The following TMEM217 variants were observed in gnomAD, a reference collection of about 807,000 sequenced individuals.
The protein encoded by TMEM217 is transmembrane protein 217, also known as chromosome 6 open reading frame 128.
For synonymous variants in TMEM217, 76 were observed against 88.3 expected (o/e 0.86, Z 0.78); for missense variants, 204 against 248.8 (o/e 0.82, Z 1.21).
At chr6:37,241,290 C>T (rs1185106665) in intron 1 of TMEM217, among the ~76,000 whole-genome samples, 1 of 151,396 alleles carries the variant, frequency 6.6e-6, no homozygotes, top group East Asian at 1.9e-4. Context: ...GTTGCCCAGG[C>T]TAAAGGTGTT....
At chr6:37,228,672 C>T (rs1330618849) in intron 1 of TMEM217, among the ~76,000 whole-genome samples, 1 of 152,010 alleles carries the variant, frequency 6.6e-6, no homozygotes, top group African/African-American at 2.4e-5. Flanking sequence ...CCACTGCACT[C>T]CAGCTTGGGC....
chr6:37,217,582 C>G (rs1426468030), downstream of TMEM217: 14 of 962,756 alleles, frequency 1.5e-5, no homozygotes, highest in Non-Finnish European at 1.7e-5. Context: ...AAGGAAGTGC[C>G]TTTCACACTC....
chr6:37,220,952 A>G (rs1197108041), intron 1 of TMEM217, among the ~76,000 whole-genome samples: 1 of 152,068 alleles, frequency 6.6e-6, no homozygotes, highest in Non-Finnish European at 1.5e-5. Context: ...TATATATAAT[A>G]TATATACAAG....
At chr6:37,216,888 T>TTAGAAGCAAAGAGAGCAGGCCCTTACCAG (rs2113805481), downstream of TMEM217, among the ~76,000 whole-genome samples, 1 of 152,288 alleles carries the variant, frequency 6.6e-6, no homozygotes, top group Admixed American at 6.5e-5. Context: ...TTGCACCATC[T>TTAGAAGCAAAGAGAGCAGGCCCTTACCAG]TAGAAGCAAA....
exon 4 of TMEM217, chr6:37,212,528 A>T: frequency 2.2e-6 from 1 of 457,942 alleles, no homozygotes; most frequent in Non-Finnish European, 4.4e-6. Flanking sequence ...GATTCCTTGT[A>T]AAGGTTGTAT....
At chr6:37,245,630 G>A (rs979182478) in intron 1 of TMEM217, among the ~76,000 whole-genome samples, 1 of 152,126 alleles carries the variant, frequency 6.6e-6, no homozygotes, top group Non-Finnish European at 1.5e-5. Context: ...GTGGGAAAGG[G>A]ATTTATATCA....
At chr6:37,221,777 G>A (rs1763536952) in intron 1 of TMEM217, among the ~76,000 whole-genome samples, 1 of 152,096 alleles carries the variant, frequency 6.6e-6, no homozygotes, top group Non-Finnish European at 1.5e-5. Context: ...ACAAGTGAAG[G>A]GTAAACAAGA....
downstream of TMEM217, chr6:37,212,679 C>T (rs1255058518): frequency 1.5e-5 from 9 of 599,804 alleles, 1 homozygote; most frequent in South Asian, 1.1e-4. Flanking sequence ...AGTTGATGAG[C>T]TCGTAAGTGA....
At chr6:37,248,521 C>A (rs902487517) in intron 1 of TMEM217, among the ~76,000 whole-genome samples, 1 of 152,174 alleles carries the variant, frequency 6.6e-6, no homozygotes, top group Non-Finnish European at 1.5e-5. Context: ...AGTTACTTCT[C>A]TTACATTAAA....
chr6:37,219,873 T>G (rs981570184), intron 1 of TMEM217, among the ~76,000 whole-genome samples: 7 of 152,146 alleles, frequency 4.6e-5, no homozygotes, highest in African/African-American at 7.2e-5. Context: ...AAGAACCCTG[T>G]TGGGTGGAGA....
At chr6:37,226,546 C>T (rs1200095029) in intron 1 of TMEM217, among the ~76,000 whole-genome samples, 3 of 151,698 alleles carry the variant, frequency 2.0e-5, no homozygotes, top group Admixed American at 6.6e-5. Context: ...ATCCGCCCGC[C>T]TCGGCCACCC....
intron 1 of TMEM217, among the ~76,000 whole-genome samples, chr6:37,251,755 T>C (rs1031504492): frequency 8.5e-5 from 13 of 152,218 alleles, no homozygotes; most frequent in Non-Finnish European, 1.5e-4. Context: ...ACTTTAATTA[T>C]ATTTTAAGAT....
At chr6:37,218,097 C>T (rs1389762055) in exon 2 of TMEM217, 1 of 1,027,266 alleles carries the variant, frequency 9.7e-7, no homozygotes, top group South Asian at 4.2e-5. Context: ...CCCTGGGAAT[C>T]TGAGAGACCT....
At chr6:37,239,009 A>G (rs1764630429) in intron 1 of TMEM217, among the ~76,000 whole-genome samples, 1 of 152,168 alleles carries the variant, frequency 6.6e-6, no homozygotes, top group Admixed American at 6.5e-5. Flanking sequence ...ACATGCCTGT[A>G]ATCCCAGCTA....
At chr6:37,223,675 A>T (rs1562005678) in intron 1 of TMEM217, among the ~76,000 whole-genome samples, 1 of 151,660 alleles carries the variant, frequency 6.6e-6, no homozygotes, top group African/African-American at 2.4e-5. Flanking sequence ...TGCCCAGCTA[A>T]TTTTTGCATT....
chr6:37,257,505 A>C (rs992693578), intron 1 of TMEM217, 63 bp downstream of exon 1: 1 of 196,486 alleles, frequency 5.1e-6, no homozygotes, highest in African/African-American at 2.4e-5. Flanking sequence ...TATTAGACTA[A>C]GGAACTTCAT....
At chr6:37,223,725 T>G (rs574753417) in intron 1 of TMEM217, among the ~76,000 whole-genome samples, 1 of 152,240 alleles carries the variant, frequency 6.6e-6, no homozygotes, top group East Asian at 1.9e-4. Flanking sequence ...GTCAGGCTGC[T>G]CTCAAACTCC....
chr6:37,252,564 GGT>G (rs1463412531), intron 1 of TMEM217, among the ~76,000 whole-genome samples: 9 of 150,402 alleles, frequency 6.0e-5, no homozygotes, highest in African/African-American at 2.2e-4. Flanking sequence ...GGGTGTGAGG[GGT>G]GTGTGTGTGC....
intron 1 of TMEM217, among the ~76,000 whole-genome samples, chr6:37,254,973 A>G (rs1583501726): frequency 6.6e-6 from 1 of 152,148 alleles, no homozygotes; most frequent in Non-Finnish European, 1.5e-5. Flanking sequence ...GCAGTTCACA[A>G]TAGGGTTCAA....
Sources: gnomAD v4.1 joint callset for allele counts (sites outside exome capture counted in the v4.1 genomes callset) on GRCh38, gnomAD v4.1.1 for gene constraint, MANE v1.5 for transcripts, NCBI Gene and HGNC (gene_info 2026-07-23, HGNC 2026-07-21) for gene names.